The following KANK1 variants were observed in gnomAD, a reference collection of about 807,000 sequenced individuals.
KANK1 encodes KN motif and ankyrin repeat domains 1, also known as KN motif and ankyrin repeat domain-containing protein 1.
KANK1 carries 109 observed loss-of-function variants against 106.2 expected under a neutral mutation model. The observed-to-expected ratio is 1.03, with a 90% CI of 0.88 to 1.20. The LOEUF is 1.20. Ranked by LOEUF, KANK1 falls within the 50% of genes most tolerant of loss-of-function variation. The probability of loss-of-function intolerance (pLI) is 0.00; values close to 1 mark genes in which losing one functional copy is unlikely to be tolerated. For synonymous variants in KANK1, 873 were observed against 652.2 expected (o/e 1.34, Z -5.16); for missense variants, 2,399 against 1,710.7 (o/e 1.40, Z -7.10).
At chr9:527,635 G>A (rs896187943) in intron 1 of KANK1, among the ~76,000 whole-genome samples, 5 of 151,384 alleles carry the variant, frequency 3.3e-5, no homozygotes, top group African/African-American at 1.2e-4. Flanking sequence ...TTGGCCAACA[G>A]CTTCTGCACA....
At chr9:573,054 AC>A (rs1458574895) in intron 1 of KANK1, among the ~76,000 whole-genome samples, 41 of 152,158 alleles carry the variant, frequency 2.7e-4, no homozygotes, top group African/African-American at 9.7e-4. Context: ...AATTGTAATT[AC>A]TGGCAGATAT....
chr9:623,979 A>C (rs904805692), intron 1 of KANK1, among the ~76,000 whole-genome samples: 1 of 152,182 alleles, frequency 6.6e-6, no homozygotes, highest in Non-Finnish European at 1.5e-5. Context: ...AAACAACCCA[A>C]GTGCCATTTA....
At chr9:666,639 G>A (rs961913452) in intron 1 of KANK1, among the ~76,000 whole-genome samples, 3 of 151,878 alleles carry the variant, frequency 2.0e-5, no homozygotes, top group African/African-American at 7.3e-5. Context: ...TTTGTTGAGG[G>A]TTTTTATCAA....
rs547706812 is a variant in KANK1, at chr9:603,721, C to T, written c.-83-73169C>T. Among the ~76,000 whole-genome samples, 11 of 151,570 alleles carry T rather than the reference C, an allele frequency of 7.3e-5. 1 individual carries two copies. Among genetic ancestry groups the T allele is most frequent in the African/African-American group, 2.7e-4 (11 of 41,046 alleles). The stretch of plus-strand genomic sequence containing the variant: ...CTGTAATCCCAGGACTTTGGGAGGT[C>T]GAGGCGGGCGGATCACCTGAGGTCT... On this transcript the variant is annotated intron_variant, in intron 1 of 11. Coordinates refer to ENST00000382297, the MANE Select transcript of KANK1 (RefSeq NM_015158.5).
chr9:604,482 C>G lies in KANK1; in HGVS notation c.-83-72408C>G, dbSNP rs1043538310. 9.2e-5 allele frequency among the ~76,000 whole-genome samples: 14 copies of G among 151,896 alleles called. 1 individual carries two copies. The highest frequency in any genetic ancestry group is 3.3e-4 in the Admixed American group (5 of 15,270). On this transcript the variant is annotated intron_variant, in intron 1 of 11. Transcript: ENST00000382297. ...CTTGCACCCATGTCTCTCTCTGTCT[C>G]TCCTGCTGTCATGTGAAGAAGAGGT...
At chr9:487,569 C>G (rs544347715) in intron 3 of KANK1, among the ~76,000 whole-genome samples, 4 of 152,288 alleles carry the variant, frequency 2.6e-5, no homozygotes, top group African/African-American at 7.2e-5. Context: ...GGAGTCTGTA[C>G]AAGTTACTTG....
chr9:744,677 A>T, intron 11 of KANK1, 88 bp downstream of exon 11: 1 of 1,609,050 alleles, frequency 6.2e-7, no homozygotes, highest in Non-Finnish European at 8.5e-7. Context: ...CGGGAGACAG[A>T]TTTTATGTTG....
chr9:699,205 G>T (rs11789776), intron 2 of KANK1, among the ~76,000 whole-genome samples: 76,584 of 152,056 alleles, frequency 0.5, 22,209 homozygotes, highest in Non-Finnish European at 0.67. Flanking sequence ...CGCCTGCATT[G>T]TGCTTTCACA....
intron 9 of KANK1, among the ~76,000 whole-genome samples, chr9:741,511 TAA>T (rs1478662516): frequency 1.5e-5 from 2 of 133,678 alleles, no homozygotes; most frequent in African/African-American, 2.8e-5. Flanking sequence ...TTTTTGAGAC[TAA>T]GTCTCATTCT....
intron 3 of KANK1, among the ~76,000 whole-genome samples, chr9:475,141 G>T (rs2058082034): frequency 6.6e-6 from 1 of 152,190 alleles, no homozygotes; most frequent in Admixed American, 6.5e-5. Flanking sequence ...CAGGAATTGG[G>T]CAGGTGGGCT....
intron 3 of KANK1, among the ~76,000 whole-genome samples, chr9:715,228 A>G (rs1827361289): frequency 6.6e-6 from 1 of 152,198 alleles, no homozygotes; most frequent in Non-Finnish European, 1.5e-5. Flanking sequence ...CAGGGAAGTC[A>G]TTTTAGAATA....
intron 3 of KANK1, among the ~76,000 whole-genome samples, chr9:716,616 C>G (rs531371828): frequency 7.2e-5 from 11 of 152,238 alleles, no homozygotes; most frequent in African/African-American, 2.6e-4. Flanking sequence ...AGCGGCCAAT[C>G]CATAGAATTC....
intron 1 of KANK1, among the ~76,000 whole-genome samples, chr9:619,282 C>T (rs1376925535): frequency 6.6e-6 from 1 of 152,108 alleles, no homozygotes; most frequent in African/African-American, 2.4e-5. Flanking sequence ...CCACACAGTA[C>T]TTAAAACCAT....
chr9:659,303 A>T (rs1192823103), intron 1 of KANK1, among the ~76,000 whole-genome samples: 1 of 152,140 alleles, frequency 6.6e-6, no homozygotes. Flanking sequence ...TTTTTTTCCC[A>T]GTTAACCCAT....
intron 3 of KANK1, among the ~76,000 whole-genome samples, chr9:498,439 G>T (rs2058491600): frequency 6.6e-6 from 1 of 152,140 alleles, no homozygotes; most frequent in African/African-American, 2.4e-5. Flanking sequence ...GGAGGGAGAG[G>T]AAAGGTTCTA....
intron 3 of KANK1, among the ~76,000 whole-genome samples, chr9:722,854 A>G (rs902459830): frequency 1.3e-5 from 2 of 152,222 alleles, no homozygotes; most frequent in African/African-American, 4.8e-5. Context: ...AGGACACCAA[A>G]TAAGAATGTA....
intron 2 of KANK1, chr9:684,122 A>G (rs937973988): frequency 7.2e-6 from 7 of 974,866 alleles, no homozygotes; most frequent in Non-Finnish European, 7.3e-6. Context: ...CTTGTTTCAT[A>G]AACTCTTAAG....
chr9:487,850 T>C (rs1174583984), intron 3 of KANK1: 1 of 152,212 alleles, frequency 6.6e-6, no homozygotes, highest in Admixed American at 6.5e-5. Context: ...TGATCTCTTA[T>C]TGCAGAAGGC....
At chr9:537,878 T>C (rs556819061) in intron 1 of KANK1, among the ~76,000 whole-genome samples, 2 of 152,312 alleles carry the variant, frequency 1.3e-5, no homozygotes, top group South Asian at 4.1e-4. Context: ...TGTTTTCTAT[T>C]TTACTTATTT....
Sources: allele counts gnomAD v4.1 joint callset (sites outside exome capture counted in the v4.1 genomes callset), GRCh38; gene constraint gnomAD v4.1.1; transcripts MANE v1.5; gene names NCBI Gene and HGNC (gene_info 2026-07-23, HGNC 2026-07-21).